Variants in GFOD1 observed in about 807,000 individuals in gnomAD.
The protein encoded by GFOD1 is Gfo/Idh/MocA-like oxidoreductase domain containing 1, also known as glucose-fructose oxidoreductase domain-containing protein 1.
GFOD1 carries 9 observed loss-of-function variants against 25.4 expected under a neutral mutation model. The observed-to-expected ratio is 0.35, with a 90% CI of 0.21 to 0.62. The LOEUF (loss-of-function observed/expected upper bound fraction) is 0.62. Ranked by LOEUF, GFOD1 falls within the 20% of genes least tolerant of loss-of-function variation. GFOD1 has a pLI of 0.72. For synonymous variants in GFOD1, 253 were observed against 245.6 expected (o/e 1.03, Z -0.28); for missense variants, 403 against 556.9 (o/e 0.72, Z 2.78).
At chr6:13,482,127 G>C (rs1758766013) in intron 1 of GFOD1, among the ~76,000 whole-genome samples, 1 of 148,466 alleles carries the variant, frequency 6.7e-6, no homozygotes. Context: ...ATAAAAATGT[G>C]CATACATGTA....
chr6:13,484,218 C>T (rs147289060), intron 1 of GFOD1, among the ~76,000 whole-genome samples: 5 of 152,028 alleles, frequency 3.3e-5, no homozygotes, highest in East Asian at 1.9e-4. Flanking sequence ...GAGTGTGGAT[C>T]GAAGGCTACA....
chr6:13,364,689 T>C lies in GFOD1; in HGVS notation c.*54A>G. 1 of 1,475,334 alleles carries C rather than the reference T, an allele frequency of 6.8e-7. No homozygotes were observed. Among genetic ancestry groups the C allele is most frequent in the Middle Eastern group, 1.8e-4 (1 of 5,588 alleles). The allele number at this position is 1,475,334 out of a possible 1,614,324, so 91.4% of individuals were successfully genotyped here. A position where few individuals can be genotyped will look rare whatever the true frequency, so the allele number is the denominator to read the frequency against. On this transcript the variant is annotated 3_prime_UTR_variant, in exon 2 of 2. Coordinates refer to ENST00000379287, the MANE Select transcript of GFOD1 (RefSeq NM_018988.4). This position sits in a 1 kb window ranked among gnomAD's most constrained non-coding sequence, Gnocchi z 4.1. ...TCACCCTCTCCCCTCGGCCCTTCCC[T>C]CTCTGTGGACATCCCCTGCAGAAGG...
At chr6:13,449,447 T>C (rs1048378422) in intron 1 of GFOD1, among the ~76,000 whole-genome samples, 2 of 152,180 alleles carry the variant, frequency 1.3e-5, no homozygotes, top group Admixed American at 6.5e-5. Flanking sequence ...CAGAACTCTA[T>C]GGGTACCTAA....
At position 13,365,415 on chromosome 6, in the gene GFOD1, C is replaced by T. The variant is rs1284637675; in HGVS notation, c.501G>A (p.Leu167=). 2 of 1,614,026 alleles carry T rather than the reference C, an allele frequency of 1.2e-6. No homozygotes were observed. The highest frequency in any genetic ancestry group is 2.7e-5 in the African/African-American group (2 of 75,070). ...GKKYNWSCDD[L]MGGGGLHSVG... Reference sequence around the variant, plus strand: ...CGGAGTGCAGGCCGCCGCCGCCCATCAAGTCGTCGCAGCTCCAGTTGTACT... The same window carrying T: ...CGGAGTGCAGGCCGCCGCCGCCCATTAAGTCGTCGCAGCTCCAGTTGTACT... The change falls in exon 2 of 2, where the codon TTG becomes TTA. Residue 167 remains leucine (L), a synonymous_variant. Coordinates refer to ENST00000379287, the MANE Select transcript of GFOD1 (RefSeq NM_018988.4). The surrounding 1 kb of genome is among the most constrained non-coding windows in gnomAD (Gnocchi z 9.2).
At chr6:13,366,727 T>C (rs1785055866) in intron 1 of GFOD1, among the ~76,000 whole-genome samples, 1 of 152,082 alleles carries the variant, frequency 6.6e-6, no homozygotes, top group Non-Finnish European at 1.5e-5. Flanking sequence ...ATTCCTGGTC[T>C]TAAGTGGTCC....
rs138451356 is a variant in GFOD1 at position 13,374,689 on chromosome 6, G to A, written c.254-9027C>T. ...TGTTTCAATACATATAATGTATAGT[G>A]ATCAGATCAAGGTAATTAGCATATT... On this transcript the variant is annotated intron_variant, in intron 1 of 1. Transcript: ENST00000379287. Among the ~76,000 whole-genome samples the A allele has an allele frequency of 4.0e-3, 592 of 146,410 alleles. 6 individuals are homozygous for A. Among genetic ancestry groups the A allele is most frequent in the African/African-American group, 0.013 (534 of 40,072 alleles).
chr6:13,486,247 TCC>T (rs373896526), intron 1 of GFOD1: 134 of 118,646 alleles, frequency 1.1e-3, no homozygotes, highest in East Asian at 2.0e-3. Flanking sequence ...CACCCCCCCA[TCC>T]CCCCCCCCCA....
chr6:13,371,899 C>T (rs1243947028), intron 1 of GFOD1, among the ~76,000 whole-genome samples: 1 of 152,236 alleles, frequency 6.6e-6, no homozygotes, highest in Admixed American at 6.5e-5. Flanking sequence ...GTTGCCGCAT[C>T]TGTCAATGTG....
At chr6:13,368,534 C>T (rs1785090538) in intron 1 of GFOD1, among the ~76,000 whole-genome samples, 1 of 152,162 alleles carries the variant, frequency 6.6e-6, no homozygotes, top group African/African-American at 2.4e-5. Context: ...TAGGTCACTG[C>T]AGGGACAGGT....
At chr6:13,455,550 A>T (rs1405902788) in intron 1 of GFOD1, among the ~76,000 whole-genome samples, 3 of 152,236 alleles carry the variant, frequency 2.0e-5, no homozygotes. Flanking sequence ...CTAAAACTGC[A>T]GGCAAAGGAG....
chr6:13,382,006 A>G (rs1451254556), intron 1 of GFOD1, among the ~76,000 whole-genome samples: 1 of 151,902 alleles, frequency 6.6e-6, no homozygotes, highest in Non-Finnish European at 1.5e-5. Flanking sequence ...AGTGCTTTGT[A>G]GGAATCATCT....
At chr6:13,424,265 G>C (rs1303431313) in intron 1 of GFOD1, among the ~76,000 whole-genome samples, 2 of 152,172 alleles carry the variant, frequency 1.3e-5, no homozygotes, top group Admixed American at 1.3e-4. Flanking sequence ...CAATGGGTTG[G>C]AGGCTGCCCT....
chr6:13,362,266 T>G lies in GFOD1; in HGVS notation c.*2477A>C, dbSNP rs1784957796. On this transcript the variant is annotated 3_prime_UTR_variant, in exon 2 of 2. Coordinates refer to ENST00000379287, the MANE Select transcript of GFOD1 (RefSeq NM_018988.4). Reference sequence around the variant, plus strand: ...TCAAGAGGTCAGGAGATCGAGACCATGCTGGCTAATACAGTGAAACCCCGT... The same window carrying G: ...TCAAGAGGTCAGGAGATCGAGACCAGGCTGGCTAATACAGTGAAACCCCGT... 6.6e-6 allele frequency: 1 copy of G among 151,976 alleles called. No individual in the cohort carries two copies. The highest frequency in any genetic ancestry group is 1.5e-5 in the Non-Finnish European group (1 of 68,012). 9.4% of individuals were successfully genotyped at this position (151,976 alleles called of 1,614,324 possible). A position where few individuals can be genotyped will look rare whatever the true frequency, so the allele number is the denominator to read the frequency against.
At chr6:13,468,870 C>T (rs1758425068) in intron 1 of GFOD1, among the ~76,000 whole-genome samples, 1 of 152,032 alleles carries the variant, frequency 6.6e-6, no homozygotes, top group Non-Finnish European at 1.5e-5. Flanking sequence ...AATCAAAGCC[C>T]ATTATGGAAC....
chr6:13,467,246 T>C (rs541312264), intron 1 of GFOD1, among the ~76,000 whole-genome samples: 29 of 152,300 alleles, frequency 1.9e-4, no homozygotes, highest in Middle Eastern at 3.4e-3. Context: ...AAGTGAGTTA[T>C]TAGAATAAAC....
intron 1 of GFOD1, among the ~76,000 whole-genome samples, chr6:13,422,488 T>A (rs1786277459): frequency 6.6e-6 from 1 of 152,154 alleles, no homozygotes; most frequent in South Asian, 2.1e-4. Context: ...AAATCCTTCA[T>A]CCTCCACTTT....
Position 13,365,731 on chromosome 6 carries a change from T to C in GFOD1, c.254-69A>G. On this transcript the variant is annotated intron_variant, in intron 1 of 1. Transcript: ENST00000379287. This position sits in a 1 kb window ranked among gnomAD's most constrained non-coding sequence, Gnocchi z 9.2. ...TCCGAGCGCGCGTCCCTGGGTCAGA[T>C]CTTAAAATATTTCACATTAATAGAA... 9.1e-7 allele frequency: 1 copy of C among 1,095,874 alleles called. No individual in the cohort carries two copies. Among genetic ancestry groups the C allele is most frequent in the Non-Finnish European group, 1.3e-6 (1 of 751,094 alleles). The allele number at this position is 1,095,874 out of a possible 1,614,324, so 67.9% of individuals were successfully genotyped here.
intron 1 of GFOD1, among the ~76,000 whole-genome samples, chr6:13,424,811 A>G (rs1338619382): frequency 1.3e-5 from 2 of 152,154 alleles, no homozygotes; most frequent in Non-Finnish European, 2.9e-5. Flanking sequence ...TATCCATCCA[A>G]TCTAGAGAAC....
intron 1 of GFOD1, chr6:13,470,186 A>G (rs768581735): frequency 6.4e-7 from 1 of 1,571,210 alleles, no homozygotes. Flanking sequence ...CCTGCGCGCG[A>G]TGAACGCATC....
Sources: allele counts gnomAD v4.1 joint callset (sites outside exome capture counted in the v4.1 genomes callset), GRCh38; gene constraint gnomAD v4.1.1; non-coding constraint Gnocchi (gnomAD v3.1); transcripts MANE v1.5; gene names NCBI Gene and HGNC (gene_info 2026-07-23, HGNC 2026-07-21).